The following LIPI variants were observed in gnomAD, a reference collection of about 807,000 sequenced individuals.
LIPI encodes lipase member I.
LIPI carries 59 observed loss-of-function variants against 50.6 expected under a neutral mutation model. That is an observed-to-expected ratio of 1.16 (90% CI 0.94 to 1.45). The LOEUF is 1.45. Ranked by LOEUF, LIPI falls within the 40% of genes most tolerant of loss-of-function variation. LIPI has a pLI of 0.00. For missense variants in LIPI, 586 were observed against 536.3 expected (o/e 1.09, Z -0.92); for synonymous variants, 203 against 178.2 (o/e 1.14, Z -1.11).
At chr21:14,155,531 C>T (rs901557438) in intron 7 of LIPI, among the ~76,000 whole-genome samples, 1 of 151,864 alleles carries the variant, frequency 6.6e-6, no homozygotes, top group African/African-American at 2.4e-5. Flanking sequence ...CATAATAAAG[C>T]TGCAAAAGTA....
At chr21:14,116,279 CTG>C (rs138718093) in intron 9 of LIPI, among the ~76,000 whole-genome samples, 1,801 of 152,044 alleles carry the variant, frequency 0.012, 44 homozygotes, top group African/African-American at 0.04. Context: ...TTAGTGCAGA[CTG>C]TGTCCTCCGA....
At chr21:14,115,207 T>C (rs977413697) in intron 9 of LIPI, among the ~76,000 whole-genome samples, 1 of 152,186 alleles carries the variant, frequency 6.6e-6, no homozygotes, top group Admixed American at 6.5e-5. Flanking sequence ...TTCATATTCC[T>C]TGAGGCTCAG....
At chr21:14,168,049 C>G (rs150406495) in intron 4 of LIPI, among the ~76,000 whole-genome samples, 63 of 152,100 alleles carry the variant, frequency 4.1e-4, no homozygotes, top group African/African-American at 1.4e-3. Flanking sequence ...AGCCAAGGCT[C>G]GAGAACTATG....
chr21:14,129,811 A>ATTT (rs1568838551), intron 9 of LIPI, among the ~76,000 whole-genome samples: 74 of 125,274 alleles, frequency 5.9e-4, no homozygotes, highest in East Asian at 2.8e-3. Flanking sequence ...TTTTTTTTTA[A>ATTT]AAAAAAAAAA....
chr21:14,171,956 C>T (rs1249907065), intron 4 of LIPI, among the ~76,000 whole-genome samples: 4 of 150,754 alleles, frequency 2.7e-5, no homozygotes, highest in Non-Finnish European at 5.9e-5. Context: ...AAAATTTTCA[C>T]AACCTACTCA....
At chr21:14,130,415 T>G (rs1353669123) in intron 9 of LIPI, among the ~76,000 whole-genome samples, 3 of 152,078 alleles carry the variant, frequency 2.0e-5, no homozygotes, top group Non-Finnish European at 1.5e-5. Context: ...CAAGTTCAAG[T>G]TGACATTGCT....
At chr21:14,182,961 T>C (rs1198793169) in intron 3 of LIPI, among the ~76,000 whole-genome samples, 2 of 152,162 alleles carry the variant, frequency 1.3e-5, no homozygotes, top group Non-Finnish European at 2.9e-5. Context: ...CTTCACAGAA[T>C]TCGAAAAAAC....
chr21:14,144,853 AT>A, intron 8 of LIPI, 54 bp from the exon 9 acceptor site: 3 of 1,266,030 alleles, frequency 2.4e-6, no homozygotes, highest in Non-Finnish European at 3.4e-6. Context: ...ACATAACTCA[AT>A]TCTAAAATCA....
chr21:14,158,190 A>G (rs1045330518), intron 7 of LIPI, among the ~76,000 whole-genome samples: 2 of 151,832 alleles, frequency 1.3e-5, no homozygotes, highest in African/African-American at 4.8e-5. Context: ...ATGAGCCTAA[A>G]GAGATCAATG....
At chr21:14,166,945 G>C (rs887084351) in intron 4 of LIPI, among the ~76,000 whole-genome samples, 1 of 152,230 alleles carries the variant, frequency 6.6e-6, no homozygotes, top group Non-Finnish European at 1.5e-5. Context: ...GGATCAGGGA[G>C]TTCCCTTTCC....
Position 14,165,281 on chromosome 21 carries a change from G to C in LIPI, c.843C>G (p.Tyr281Ter), listed in dbSNP as rs375330994. 6.2e-7 allele frequency: 1 copy of C among 1,612,770 alleles called. No individual in the cohort carries two copies. Among genetic ancestry groups the C allele is most frequent in the Admixed American group, 1.7e-5 (1 of 59,996 alleles). ...CACAGTCCACACATAAGCTAGTCTT[G>C]TAATCTTTGTATGAACGACAAGGAA... ...ISFPCRSYKDYKTSLCVDCDC... is the reference protein window; with the variant it reads ...ISFPCRSYKD The change falls in exon 6 of 10, where the codon TAC (tyrosine) becomes TAG (stop). Residue 281 changes from tyrosine to a stop codon, truncating the protein, a stop_gained. Coordinates refer to ENST00000681601, the MANE Select transcript of LIPI (RefSeq NM_001302998.2). LOFTEE classifies it high-confidence loss of function.
intron 8 of LIPI, 61 bp downstream of exon 8, chr21:14,152,512 G>T: frequency 1.3e-6 from 1 of 786,146 alleles, no homozygotes; most frequent in Non-Finnish European, 2.2e-6. Context: ...TCTGTTGGAT[G>T]GGATACTGAA....
intron 5 of LIPI, among the ~76,000 whole-genome samples, chr21:14,166,073 A>T (rs2018672329): frequency 6.6e-6 from 1 of 152,206 alleles, no homozygotes; most frequent in African/African-American, 2.4e-5. Flanking sequence ...CTTGAGCTAC[A>T]TGTGCTTCCT....
intron 9 of LIPI, among the ~76,000 whole-genome samples, chr21:14,115,934 G>A (rs1035607755): frequency 3.3e-5 from 5 of 152,154 alleles, no homozygotes; most frequent in Non-Finnish European, 7.3e-5. Context: ...GAGAAAATGG[G>A]CTGGAAGAGT....
chr21:14,187,562 A>T (rs1223850363), intron 2 of LIPI, among the ~76,000 whole-genome samples: 1 of 152,182 alleles, frequency 6.6e-6, no homozygotes, highest in African/African-American at 2.4e-5. Context: ...AAATATTTCT[A>T]TTTAATATTC....
At chr21:14,133,605 G>A (rs1393300381) in intron 9 of LIPI, among the ~76,000 whole-genome samples, 2 of 152,084 alleles carry the variant, frequency 1.3e-5, no homozygotes, top group Non-Finnish European at 2.9e-5. Context: ...ATTCAACGCA[G>A]TACTGTAAGT....
chr21:14,177,024 T>A (rs557203964), intron 4 of LIPI, among the ~76,000 whole-genome samples: 8 of 152,232 alleles, frequency 5.3e-5, no homozygotes, highest in African/African-American at 1.9e-4. Context: ...TGTAATGTTC[T>A]ATAAATGTCT....
At chr21:14,143,513 T>C (rs1382636591) in intron 9 of LIPI, 1 of 152,146 alleles carries the variant, frequency 6.6e-6, no homozygotes, top group Non-Finnish European at 1.5e-5. Flanking sequence ...CCACAGGTTC[T>C]TGTGTACTAT....
At chr21:14,197,852 T>C (rs202050191) in intron 1 of LIPI, among the ~76,000 whole-genome samples, 4 of 130,304 alleles carry the variant, frequency 3.1e-5, no homozygotes, top group African/African-American at 1.2e-4. Context: ...AAAAAAAAAA[T>C]GTTAAAGGCA....
Sources: gnomAD v4.1 joint callset for allele counts (sites outside exome capture counted in the v4.1 genomes callset) on GRCh38, gnomAD v4.1.1 for gene constraint, MANE v1.5 for transcripts, NCBI Gene and HGNC (gene_info 2026-07-23, HGNC 2026-07-21) for gene names.